SENP1: variants seen among roughly 807,000 people sequenced by gnomAD.
SENP1 encodes the protein SUMO specific peptidase 1, also known as sentrin-specific protease 1.
SENP1 carries 21 observed loss-of-function variants against 93.0 expected under a neutral mutation model. The observed-to-expected ratio is 0.23, with a 90% CI of 0.16 to 0.33. SENP1 has a LOEUF of 0.33. Among genes scored for constraint, SENP1 ranks in the 10% least tolerant of loss-of-function variants. The pLI is 1.00. For synonymous variants in SENP1, 256 were observed against 259.6 expected (o/e 0.99, Z 0.13); for missense variants, 591 against 758.7 (o/e 0.78, Z 2.60).
At chr12:48,055,857 GTATAA>G (rs1315521540) in intron 13 of SENP1, among the ~76,000 whole-genome samples, 2 of 132,206 alleles carry the variant, frequency 1.5e-5, no homozygotes, top group African/African-American at 2.8e-5. Context: ...AATGTATAAG[GTATAA>G]TATATTAATA....
chr12:48,086,890 T>C (rs1388938620), intron 5 of SENP1, among the ~76,000 whole-genome samples: 2 of 151,940 alleles, frequency 1.3e-5, no homozygotes, highest in African/African-American at 4.8e-5. Flanking sequence ...AATACAAAAA[T>C]TAGCAGGACA....
At chr12:48,085,502 T>C (rs2137160872) in intron 5 of SENP1, 1 of 548,752 alleles carries the variant, frequency 1.8e-6, no homozygotes, top group Non-Finnish European at 3.2e-6. Flanking sequence ...ATCAGCCTTC[T>C]TTACATTTTG....
At chr12:48,091,168 G>C (rs12303042) in intron 4 of SENP1, among the ~76,000 whole-genome samples, 6 of 152,114 alleles carry the variant, frequency 3.9e-5, no homozygotes, top group African/African-American at 7.2e-5. Flanking sequence ...AATGTGTCAA[G>C]ACTGGGTGTG....
chr12:48,044,306 C>G lies in SENP1; in HGVS notation c.*1016G>C, dbSNP rs1275561921. 6.7e-6 allele frequency: 1 copy of G among 148,656 alleles called. No individual in the cohort carries two copies. Among genetic ancestry groups the G allele is most frequent in the African/African-American group, 2.5e-5 (1 of 40,274 alleles). 9.2% of individuals were successfully genotyped at this position (148,656 alleles called of 1,614,324 possible). ...ATAAATCTACAGGCTAAATGGTGAACACATTCAGTCTTTAAAAAAAAAAGC... is the reference window on the plus strand; with the variant it reads ...ATAAATCTACAGGCTAAATGGTGAAGACATTCAGTCTTTAAAAAAAAAAGC... On this transcript the variant is annotated 3_prime_UTR_variant, in exon 18 of 18. Coordinates refer to ENST00000549518, the MANE Select transcript of SENP1 (RefSeq NM_001267594.2).
At chr12:48,058,251 TACTTTTTTAAAAGTA>T (rs1942715459) in intron 13 of SENP1, among the ~76,000 whole-genome samples, 1 of 152,152 alleles carries the variant, frequency 6.6e-6, no homozygotes, top group Non-Finnish European at 1.5e-5. Flanking sequence ...CGGCCCATTT[TACTTTTTTAAAAGTA>T]ACTATTAGAC....
At position 48,058,832 on chromosome 12, in the gene SENP1, T is replaced by C. The variant is rs1230562050; in HGVS notation, c.1407+4878A>G. ...TAATATTTCTTCTGGTACAGGTCTG[T>C]TGGTGATGCATTTGTTTGTCTGGAA... On this transcript the variant is annotated intron_variant, in intron 13 of 17. Transcript: ENST00000549518. Among the ~76,000 whole-genome samples, 3 of 152,178 alleles carry C rather than the reference T, an allele frequency of 2.0e-5. No homozygotes were observed. In the East Asian group the frequency reaches 5.8e-4, roughly 29 times the overall value.
chr12:48,093,701 G>T (rs552413332), intron 4 of SENP1, among the ~76,000 whole-genome samples: 14 of 136,458 alleles, frequency 1.0e-4, no homozygotes, highest in African/African-American at 3.9e-4. Context: ...CCATGAATTA[G>T]AAATGAGCAG....
At chr12:48,091,862 G>A (rs1401598319) in intron 4 of SENP1, among the ~76,000 whole-genome samples, 2 of 151,834 alleles carry the variant, frequency 1.3e-5, no homozygotes, top group Non-Finnish European at 2.9e-5. Context: ...TTTATTTTTT[G>A]TAGAGACAGG....
intron 1 of SENP1, among the ~76,000 whole-genome samples, chr12:48,102,029 A>C (rs892514677): frequency 6.6e-6 from 1 of 152,212 alleles, no homozygotes; most frequent in Non-Finnish European, 1.5e-5. Context: ...ACTTCCCCCA[A>C]CATCATCAAT....
At position 48,074,448 on chromosome 12, in the gene SENP1, T is replaced by C. The variant is rs749566896; in HGVS notation, c.816A>G (p.Leu272=). ...QEQLSHSVYS[L]SSYTPDVAFG... Reference sequence around the variant, plus strand: ...ATGCAACATCTGGGGTATAAGAAGATAGGGAATATACACTGTGGGACAGCT... The same window carrying C: ...ATGCAACATCTGGGGTATAAGAAGACAGGGAATATACACTGTGGGACAGCT... Residue 272 remains leucine (L), a synonymous_variant, in exon 8 of 18, where the codon CTA becomes CTG. Transcript: ENST00000549518. 1.3e-5 allele frequency: 21 copies of C among 1,613,794 alleles called. No homozygotes were observed. The highest frequency in any genetic ancestry group is 1.1e-4 in the South Asian group (10 of 91,092).
intron 4 of SENP1, among the ~76,000 whole-genome samples, chr12:48,095,698 A>G (rs563840138): frequency 6.6e-6 from 1 of 152,156 alleles, no homozygotes; most frequent in Non-Finnish European, 1.5e-5. Flanking sequence ...GCTAACCAAC[A>G]AAACTCTTAG....
At position 48,102,902 on chromosome 12, in the gene SENP1, A is replaced by G. The variant is rs578053792; in HGVS notation, c.-44-1386T>C. Among the ~76,000 whole-genome samples, 7 of 152,208 alleles carry G rather than the reference A, an allele frequency of 4.6e-5. No homozygotes were observed. In the East Asian group the frequency reaches 9.6e-4, roughly 21 times the overall value. ...CCTAGTCTTGCCAGGAAGGATCCCT[A>G]AAGAATTTAAGCCTTAGATTTATGC... On this transcript the variant is annotated intron_variant, in intron 1 of 17. Coordinates refer to ENST00000549518, the MANE Select transcript of SENP1 (RefSeq NM_001267594.2).
Position 48,074,352 on chromosome 12 carries a change from G to A in SENP1, c.912C>T (p.Asn304=), listed in dbSNP as rs1943916006. ...CAGATTGTGTATTTGAAGCTGCTAA[G>A]TTATCTGGCTGATGTGGAACAGAGT... ...HHHSVPHQPD[N]LAASNTQSEG... Residue 304 remains asparagine (N), a synonymous_variant, in exon 8 of 18, where the codon AAC becomes AAT. Transcript: ENST00000549518. 2 of 1,613,168 alleles carry A rather than the reference G, an allele frequency of 1.2e-6. No homozygotes were observed. The highest frequency in any genetic ancestry group is 2.7e-5 in the African/African-American group (2 of 74,924).
chr12:48,069,025 T>C (rs1943486901), intron 9 of SENP1, among the ~76,000 whole-genome samples: 1 of 151,612 alleles, frequency 6.6e-6, no homozygotes, highest in African/African-American at 2.4e-5. Context: ...TGGTGGCATA[T>C]GCCTGTAATC....
rs530483571 is a variant in SENP1, at chr12:48,083,709, G to A, written c.434C>T (p.Ala145Val). 1.9e-6 allele frequency: 3 copies of A among 1,612,926 alleles called. No individual in the cohort carries two copies. Among genetic ancestry groups the A allele is most frequent in the East Asian group, 2.2e-5 (1 of 44,874 alleles). ...GKSNHHCHVS[A>V]YEKSFPIKPV... ...TTTAATAGGAAAAGATTTTTCATAT[G>A]CAGATACATGGCAGTGATGGTTTGA... The change falls in exon 6 of 18, where the codon GCA (alanine) becomes GTA (valine). Residue 145 changes from alanine to valine, a missense_variant. By Grantham distance (64) the Ala-to-Val change is moderately conservative (BLOSUM62 0). Coordinates refer to ENST00000549518, the MANE Select transcript of SENP1 (RefSeq NM_001267594.2).
rs117780483 is a variant in SENP1, at chr12:48,068,341, G to A, written c.996-1376C>T. ...GCATATAGTAATAATAACTGCAAAT[G>A]TTTTTGAGCACATACTTAGTGCTCT... On this transcript the variant is annotated intron_variant, in intron 9 of 17. Transcript: ENST00000549518. Among the ~76,000 whole-genome samples, 99 of 152,258 alleles carry A rather than the reference G, an allele frequency of 6.5e-4. 2 individuals are homozygous for A. In the East Asian group the frequency reaches 0.017, roughly 26 times the overall value.
intron 6 of SENP1, among the ~76,000 whole-genome samples, chr12:48,078,317 T>TTATATATATATATATAGA (rs1944246537): frequency 1.4e-5 from 1 of 70,742 alleles, no homozygotes; most frequent in Non-Finnish European, 2.8e-5. Flanking sequence ...CTGTAGGATT[T>TTATATATATATATATAGA]TATATATATA....
chr12:48,063,651 CTTAAT>C, intron 13 of SENP1, 54 bp downstream of exon 13: 1 of 1,550,968 alleles, frequency 6.4e-7, no homozygotes, highest in Non-Finnish European at 8.8e-7. Context: ...GAGATAATGC[CTTAAT>C]TTAACTGCCA....
chr12:48,080,611 A>T (rs1305810091), intron 6 of SENP1: 1 of 152,250 alleles, frequency 6.6e-6, no homozygotes, highest in Non-Finnish European at 1.5e-5. Flanking sequence ...CTTTTCATCC[A>T]GTTTGTAAGT....
Sources: allele counts gnomAD v4.1 joint callset (sites outside exome capture counted in the v4.1 genomes callset), GRCh38; gene constraint gnomAD v4.1.1; transcripts MANE v1.5; gene names NCBI Gene and HGNC (gene_info 2026-07-23, HGNC 2026-07-21).